The following MYADM variants were observed in gnomAD, a reference collection of about 807,000 sequenced individuals.
The protein encoded by MYADM is myeloid-associated differentiation marker.
For missense variants in MYADM, 416 were observed against 443.4 expected, an observed-to-expected ratio of 0.94 and a Z score of 0.56; for synonymous variants, 224 against 210.2, an observed-to-expected ratio of 1.07 and a Z score of -0.57.
chr19:53,872,313 A>G (rs1372728705), intron 2 of MYADM, among the ~76,000 whole-genome samples: 1 of 151,908 alleles, frequency 6.6e-6, no homozygotes, highest in African/African-American at 2.4e-5. Context: ...CTCCTGCCTC[A>G]GTCTCCCGAG....
chr19:53,867,126 G>C (rs545621578), upstream of MYADM, among the ~76,000 whole-genome samples: 2 of 152,268 alleles, frequency 1.3e-5, no homozygotes, highest in Non-Finnish European at 2.9e-5. Flanking sequence ...TCCAGCCCGA[G>C]TCCCTTACCC....
chr19:53,870,555 G>C (rs999179606), intron 2 of MYADM, among the ~76,000 whole-genome samples: 6 of 152,136 alleles, frequency 3.9e-5, no homozygotes, highest in African/African-American at 1.2e-4. Flanking sequence ...CAGACACTGA[G>C]GTATCTGAGG....
rs2068524426 is a variant in MYADM at position 53,875,857 on chromosome 19, A to T, written c.*1359A>T. The T allele has an allele frequency of 6.0e-6, 1 of 166,150 alleles. No individual in the cohort carries two copies. Among genetic ancestry groups the T allele is most frequent in the African/African-American group, 2.5e-5 (1 of 40,750 alleles). 10.3% of individuals were successfully genotyped at this position (166,150 alleles called of 1,614,324 possible). A position where few individuals can be genotyped will look rare whatever the true frequency, so the allele number is the denominator to read the frequency against. On this transcript the variant is annotated 3_prime_UTR_variant, in exon 3 of 3. Coordinates refer to ENST00000391770, the MANE Select transcript of MYADM (RefSeq NM_138373.5). ...AGAGCGAGACTCCATCTCAAAAAAA[A>T]AAAGGAATCGGACGAAGAACCACAG...
chr19:53,868,668 T>C lies in MYADM; in HGVS notation c.-88+725T>C, dbSNP rs1168083159. Among the ~76,000 whole-genome samples, 3 of 151,846 alleles carry C rather than the reference T, an allele frequency of 2.0e-5. No individual in the cohort carries two copies. The highest frequency in any genetic ancestry group is 6.6e-5 in the Admixed American group (1 of 15,254). On this transcript the variant is annotated intron_variant, in intron 1 of 2. Coordinates refer to ENST00000391770, the MANE Select transcript of MYADM (RefSeq NM_138373.5). The surrounding 1 kb of genome is among the most constrained non-coding windows in gnomAD (Gnocchi z 6.3). Reference sequence around the variant, plus strand: ...GGGGCCCGATTCTCAGCGTGAGCGATGGGTGTGGCGTCTGGAGTGGACGAG... The same window carrying C: ...GGGGCCCGATTCTCAGCGTGAGCGACGGGTGTGGCGTCTGGAGTGGACGAG...
rs1269839382 is a variant in MYADM at position 53,873,104 on chromosome 19, GC to G, written c.-2-423del. Among the ~76,000 whole-genome samples, 1 of 152,206 alleles carries G rather than the reference GC, an allele frequency of 6.6e-6. No individual in the cohort carries two copies. The highest frequency in any genetic ancestry group is 1.5e-5 in the Non-Finnish European group (1 of 68,044). On this transcript the variant is annotated intron_variant, in intron 2 of 2. Coordinates refer to ENST00000391770, the MANE Select transcript of MYADM (RefSeq NM_138373.5). This position sits in a 1 kb window ranked among gnomAD's most constrained non-coding sequence, Gnocchi z 4.3. ...TGAAAACCCAAGGCTGGGCCCGGTG[GC>G]TCACGCCTATAATCCCAGCACTTTG...
At position 53,873,871 on chromosome 19, in the gene MYADM, C is replaced by G. The variant is rs557514172; in HGVS notation, c.342C>G (p.Leu114=). The change falls in exon 3 of 3, where the codon CTC becomes CTG. Residue 114 remains leucine, a synonymous_variant. Transcript: ENST00000391770. This position sits in a 1 kb window ranked among gnomAD's most constrained non-coding sequence, Gnocchi z 4.3. The part of the protein sequence containing the change: ...TFACYAALFC[L]SASIIYPTTY... ...CCTGCTATGCGGCCCTCTTCTGCCTCTCGGCCTCCATCATCTACCCCACCA... is the reference window on the plus strand; with the variant it reads ...CCTGCTATGCGGCCCTCTTCTGCCTGTCGGCCTCCATCATCTACCCCACCA... 1.9e-6 allele frequency: 3 copies of G among 1,613,420 alleles called. No homozygotes were observed. The highest frequency in any genetic ancestry group is 1.7e-5 in the Admixed American group (1 of 60,030).
At chr19:53,866,909 C>T (rs2068254222), upstream of MYADM, among the ~76,000 whole-genome samples, 1 of 152,198 alleles carries the variant, frequency 6.6e-6, no homozygotes, top group Non-Finnish European at 1.5e-5. The surrounding 1 kb of genome is among the most constrained non-coding windows in gnomAD (Gnocchi z 4.3). Context: ...AGGGATCCTC[C>T]CTCCTCAGCC....
In MYADM at chr19:53,874,660, C is replaced by A; in HGVS notation, c.*162C>A. The A allele has an allele frequency of 1.3e-6, 1 of 741,624 alleles. No individual in the cohort carries two copies. Among genetic ancestry groups the A allele is most frequent in the Non-Finnish European group, 2.1e-6 (1 of 481,452 alleles). 45.9% of individuals were successfully genotyped at this position (741,624 alleles called of 1,614,324 possible). The stretch of plus-strand genomic sequence containing the variant: ...TCCTTCCCAATTCCTTGCACTCTAA[C>A]CAGTTCTTGGATGCATCTTCTTCCT... On this transcript the variant is annotated 3_prime_UTR_variant, in exon 3 of 3. Transcript: ENST00000391770.
Position 53,875,784 on chromosome 19 carries a change from A to T in MYADM, c.*1286A>T, listed in dbSNP as rs1176933241. The T allele has an allele frequency of 1.3e-5, 2 of 157,622 alleles. No individual in the cohort carries two copies. Among genetic ancestry groups the T allele is most frequent in the Non-Finnish European group, 2.9e-5 (2 of 68,006 alleles). 9.8% of individuals were successfully genotyped at this position (157,622 alleles called of 1,614,324 possible). Reference sequence around the variant, plus strand: ...AGAATCCCTTCAACCCGGGAGGTGGAGGTTGCAGTAAGTCAAGATGGCACC... The same window carrying T: ...AGAATCCCTTCAACCCGGGAGGTGGTGGTTGCAGTAAGTCAAGATGGCACC... On this transcript the variant is annotated 3_prime_UTR_variant, in exon 3 of 3. Coordinates refer to ENST00000391770, the MANE Select transcript of MYADM (RefSeq NM_138373.5).
rs749354662 is a variant in MYADM at position 53,873,764 on chromosome 19, A to G, written c.235A>G (p.Thr79Ala). Residue 79 changes from threonine (T) to alanine (A), a missense_variant, in exon 3 of 3, where the codon ACC (threonine) becomes GCC (alanine). Thr to Ala is a moderately conservative substitution (Grantham distance 58). Coordinates refer to ENST00000391770, the MANE Select transcript of MYADM (RefSeq NM_138373.5). This position sits in a 1 kb window ranked among gnomAD's most constrained non-coding sequence, Gnocchi z 4.3. ...CACCTGGTGCTTCTGCTTCTCCGTG[A>G]CCCTGATCATCCTCATCGTGGAGCT... ...MFTWCFCFSVTLIILIVELCG... is the reference protein window; with the variant it reads ...MFTWCFCFSVALIILIVELCG... The G allele has an allele frequency of 6.2e-7, 1 of 1,613,482 alleles. No individual in the cohort carries two copies. The highest frequency in any genetic ancestry group is 8.5e-7 in the Non-Finnish European group (1 of 1,179,936).
At chr19:53,872,055 C>T (rs2068400552) in intron 2 of MYADM, among the ~76,000 whole-genome samples, 1 of 151,944 alleles carries the variant, frequency 6.6e-6, no homozygotes, top group South Asian at 2.1e-4. Context: ...CCCACCACCA[C>T]ACCCAGCTGA....
chr19:53,867,771 C>T (rs1018810258), upstream of MYADM: 1 of 152,606 alleles, frequency 6.6e-6, no homozygotes, highest in African/African-American at 2.4e-5. Flanking sequence ...TGGGATAGCC[C>T]AGACTCGGGG....
intron 1 of MYADM, chr19:53,869,224 G>A (rs1460143022): frequency 6.6e-6 from 1 of 152,362 alleles, no homozygotes; most frequent in Admixed American, 6.5e-5. Context: ...GCCCACTCCG[G>A]TCTTAGAGAT....
At chr19:53,866,637 A>G (rs971730457), upstream of MYADM, among the ~76,000 whole-genome samples, 5 of 151,832 alleles carry the variant, frequency 3.3e-5, no homozygotes, top group African/African-American at 1.2e-4. This position sits in a 1 kb window ranked among gnomAD's most constrained non-coding sequence, Gnocchi z 4.3. Flanking sequence ...CCCCTCTTGC[A>G]GGATCCGTGA....
In MYADM at chr19:53,868,956, C is replaced by T. The variant is rs2068300302; in HGVS notation, c.-87-798C>T. The T allele has an allele frequency of 6.6e-6, 1 of 152,222 alleles. No homozygotes were observed. Among genetic ancestry groups the T allele is most frequent in the Admixed American group, 6.5e-5 (1 of 15,286 alleles). 9.4% of individuals were successfully genotyped at this position (152,222 alleles called of 1,614,324 possible). A position where few individuals can be genotyped will look rare whatever the true frequency, so the allele number is the denominator to read the frequency against. The stretch of plus-strand genomic sequence containing the variant: ...TGACGCCCTCGCTCGTCCTCCTCCC[C>T]TGCTTGGGACGGGGCAGTAGCCCGC... On this transcript the variant is annotated intron_variant, in intron 1 of 2. Transcript: ENST00000391770. This position sits in a 1 kb window ranked among gnomAD's most constrained non-coding sequence, Gnocchi z 6.3.
At position 53,873,977 on chromosome 19, in the gene MYADM, G is replaced by C; in HGVS notation, c.448G>C (p.Ala150Pro). 6.2e-7 allele frequency: 1 copy of C among 1,609,450 alleles called. No homozygotes were observed. Among genetic ancestry groups the C allele is most frequent in the South Asian group, 1.1e-5 (1 of 91,084 alleles). ...ATFFSCIACVAYATEVAWTRA... is the reference protein window; with the variant it reads ...ATFFSCIACVPYATEVAWTRA... ...CTTCTTCTCCTGCATCGCGTGTGTG[G>C]CTTACGCCACCGAAGTGGCCTGGAC... Residue 150 changes from alanine (A) to proline (P), a missense_variant, in exon 3 of 3, where the codon GCT becomes CCT. Coordinates refer to ENST00000391770, the MANE Select transcript of MYADM (RefSeq NM_138373.5). This position sits in a 1 kb window ranked among gnomAD's most constrained non-coding sequence, Gnocchi z 4.3.
At chr19:53,869,490 G>A in intron 1 of MYADM, 1 of 152,864 alleles carries the variant, frequency 6.5e-6, no homozygotes, top group South Asian at 2.0e-4. Flanking sequence ...GGGTTCTCCC[G>A]CCACTGCCGC....
chr19:53,873,978 C>T lies in MYADM; in HGVS notation c.449C>T (p.Ala150Val). 6.2e-7 allele frequency: 1 copy of T among 1,609,416 alleles called. No homozygotes were observed. The highest frequency in any genetic ancestry group is 8.5e-7 in the Non-Finnish European group (1 of 1,180,004). Residue 150 changes from alanine (A) to valine (V), a missense_variant, in exon 3 of 3, where the codon GCT becomes GTT. Ala to Val is a moderately conservative substitution (Grantham distance 64). Coordinates refer to ENST00000391770, the MANE Select transcript of MYADM (RefSeq NM_138373.5). The surrounding 1 kb of genome is among the most constrained non-coding windows in gnomAD (Gnocchi z 4.3). ...TTCTTCTCCTGCATCGCGTGTGTGG[C>T]TTACGCCACCGAAGTGGCCTGGACC... is the stretch of plus-strand genomic sequence containing the variant. The part of the protein sequence containing the change: ...ATFFSCIACV[A>V]YATEVAWTRA...
intron 2 of MYADM, among the ~76,000 whole-genome samples, chr19:53,870,167 T>G (rs1439808839): frequency 4.7e-5 from 3 of 63,842 alleles, no homozygotes; most frequent in African/African-American, 7.9e-5. Context: ...CCTGGGCTCC[T>G]GGGTCCGAGG....
Sources: gnomAD v4.1 joint callset for allele counts (sites outside exome capture counted in the v4.1 genomes callset) on GRCh38, gnomAD v4.1.1 for gene constraint, Gnocchi (gnomAD v3.1) non-coding constraint, MANE v1.5 for transcripts, NCBI Gene and HGNC (gene_info 2026-07-23, HGNC 2026-07-21) for gene names.